ADAM10: variants seen among roughly 807,000 people sequenced by gnomAD.
The protein encoded by ADAM10 is ADAM metallopeptidase domain 10.
ADAM10 carries 17 observed loss-of-function variants against 90.1 expected under a neutral mutation model. The observed-to-expected ratio is 0.19, with a 90% CI of 0.13 to 0.28. The LOEUF is 0.28. ADAM10 is among the 10% of genes least tolerant of loss of function. The pLI is 1.00. For synonymous variants in ADAM10, 310 were observed against 298.6 expected (o/e 1.04, Z -0.40); for missense variants, 610 against 914.3 (o/e 0.67, Z 4.29).
intron 2 of ADAM10, among the ~76,000 whole-genome samples, chr15:58,711,624 C>T (rs1218057836): frequency 3.3e-5 from 5 of 152,142 alleles, no homozygotes; most frequent in Non-Finnish European, 1.5e-5. Flanking sequence ...CCAACTCTAT[C>T]AAAGACAGTC....
At chr15:58,687,200 T>C (rs572350579) in intron 2 of ADAM10, among the ~76,000 whole-genome samples, 31 of 152,334 alleles carry the variant, frequency 2.0e-4, no homozygotes, top group African/African-American at 7.5e-4. Context: ...TTAACACTAA[T>C]TATGGGAGCA....
At position 58,595,891 on chromosome 15, in the gene ADAM10, T is replaced by G. The variant is rs192507322; in HGVS notation, c.*1656A>C. 6.6e-6 allele frequency: 1 copy of G among 152,286 alleles called. No individual in the cohort carries two copies. Among genetic ancestry groups the G allele is most frequent in the East Asian group, 1.9e-4 (1 of 5,190 alleles). The allele number at this position is 152,286 out of a possible 1,614,324, so 9.4% of individuals were successfully genotyped here. On this transcript the variant is annotated 3_prime_UTR_variant, in exon 16 of 16. Coordinates refer to ENST00000260408, the MANE Select transcript of ADAM10 (RefSeq NM_001110.4). ...ATACATATCTACCTACTTGTTTGTTTAGAATTATTTATAGTCTATCTGGGG... is the reference window on the plus strand; with the variant it reads ...ATACATATCTACCTACTTGTTTGTTGAGAATTATTTATAGTCTATCTGGGG...
At chr15:58,684,841 T>C (rs1476087580) in intron 2 of ADAM10, among the ~76,000 whole-genome samples, 1 of 152,146 alleles carries the variant, frequency 6.6e-6, no homozygotes, top group Non-Finnish European at 1.5e-5. Context: ...GTTGTAGGAA[T>C]GGGCCCTTAA....
At chr15:58,658,049 T>A (rs1407697915) in intron 5 of ADAM10, among the ~76,000 whole-genome samples, 1 of 152,154 alleles carries the variant, frequency 6.6e-6, no homozygotes, top group African/African-American at 2.4e-5. Flanking sequence ...ATGAAGTCAG[T>A]TTATACATGT....
intron 8 of ADAM10, among the ~76,000 whole-genome samples, chr15:58,638,754 T>G (rs1185340938): frequency 6.6e-6 from 1 of 151,536 alleles, no homozygotes; most frequent in Non-Finnish European, 1.5e-5. Flanking sequence ...AAACACTGAG[T>G]GTCCCAAAAA....
At chr15:58,718,672 A>G (rs1190687371) in intron 1 of ADAM10, among the ~76,000 whole-genome samples, 1 of 152,144 alleles carries the variant, frequency 6.6e-6, no homozygotes, top group African/African-American at 2.4e-5. Flanking sequence ...CTATCTGAGC[A>G]CCAGGTACCG....
intron 11 of ADAM10, 22 bp from the exon 12 acceptor site, chr15:58,612,013 T>A: frequency 6.2e-7 from 1 of 1,605,252 alleles, no homozygotes; most frequent in Non-Finnish European, 8.5e-7. Context: ...ATTAAGTGAT[T>A]AAACAAAGTA....
intron 2 of ADAM10, among the ~76,000 whole-genome samples, chr15:58,687,396 C>T (rs1897633425): frequency 6.6e-6 from 1 of 152,088 alleles, no homozygotes; most frequent in African/African-American, 2.4e-5. Flanking sequence ...ACCCACAGAA[C>T]ATTGTAAATG....
intron 7 of ADAM10, among the ~76,000 whole-genome samples, chr15:58,641,502 A>C (rs1483528706): frequency 6.6e-6 from 1 of 152,146 alleles, no homozygotes; most frequent in African/African-American, 2.4e-5. Flanking sequence ...ACTAACTGCA[A>C]ATTTATTTTT....
chr15:58,677,738 C>T (rs1897329063), intron 4 of ADAM10, among the ~76,000 whole-genome samples: 3 of 152,082 alleles, frequency 2.0e-5, no homozygotes, highest in Admixed American at 6.5e-5. Flanking sequence ...TCCTTCATTC[C>T]TCAAAAGGTT....
At chr15:58,712,211 C>T (rs1399273111) in intron 2 of ADAM10, among the ~76,000 whole-genome samples, 3 of 151,818 alleles carry the variant, frequency 2.0e-5, no homozygotes, top group Admixed American at 6.6e-5. Flanking sequence ...TTACAAAAAC[C>T]ACGTAAGAAA....
Position 58,716,355 on chromosome 15 carries a change from G to C in ADAM10, c.206+1222C>G, listed in dbSNP as rs577813584. 5.3e-5 allele frequency among the ~76,000 whole-genome samples: 8 copies of C among 152,280 alleles called. No homozygotes were observed. In the South Asian group the frequency reaches 1.7e-3, roughly 32 times the overall value. ...AGAAGTACCCACAAAAAGGAAGAGGGCACAAATGATGCCAATGATTCAGAT... is the reference window on the plus strand; with the variant it reads ...AGAAGTACCCACAAAAAGGAAGAGGCCACAAATGATGCCAATGATTCAGAT... On this transcript the variant is annotated intron_variant, in intron 2 of 15. Transcript: ENST00000260408.
intron 5 of ADAM10, among the ~76,000 whole-genome samples, chr15:58,659,047 G>A (rs1427783505): frequency 2.0e-5 from 3 of 152,114 alleles, no homozygotes; most frequent in East Asian, 3.9e-4. Context: ...AGCCGAAGCA[G>A]GCAGATCATG....
chr15:58,602,892 T>A (rs926811551), intron 14 of ADAM10, among the ~76,000 whole-genome samples: 10 of 152,234 alleles, frequency 6.6e-5, no homozygotes, highest in Non-Finnish European at 1.5e-4. Context: ...AATTCAACCT[T>A]ACTGCTTAAA....
intron 1 of ADAM10, among the ~76,000 whole-genome samples, chr15:58,724,269 T>G (rs567853968): frequency 1.2e-4 from 19 of 152,252 alleles, no homozygotes; most frequent in Admixed American, 1.2e-3. Context: ...GGGAGGTTCA[T>G]TTTAAATATT....
chr15:58,621,609 G>A lies in ADAM10; in HGVS notation c.1373C>T (p.Pro458Leu), dbSNP rs768279822. ...TTCTACCATTCCATTTCCACAAATA[G>A]GTTGGCCAGATTCTGAGGAAAATAA... is the stretch of plus-strand genomic sequence containing the variant. ...RNNCFVESGQPICGNGMVEQG... is the reference protein window; with the variant it reads ...RNNCFVESGQLICGNGMVEQG... Residue 458 changes from proline to leucine, a missense_variant, in exon 11 of 16, where the codon CCT (proline) becomes CTT (leucine). Physicochemically the swap from Pro to Leu is moderately conservative, Grantham distance 98. Around this residue, in one of 4 missense-constraint regions of ADAM10, gnomAD observed 97 missense variants for 221.4 expected, o/e 0.44. Transcript: ENST00000260408. 1 of 1,614,024 alleles carries A rather than the reference G, an allele frequency of 6.2e-7. No homozygotes were observed. The highest frequency in any genetic ancestry group is 1.3e-5 in the African/African-American group (1 of 75,038).
chr15:58,709,216 T>C (rs557940555), intron 2 of ADAM10, among the ~76,000 whole-genome samples: 69 of 152,274 alleles, frequency 4.5e-4, no homozygotes, highest in East Asian at 1.5e-3. Context: ...AACAACCTTA[T>C]AAGGAGCTTA....
At chr15:58,639,145 A>G (rs1438470949) in intron 8 of ADAM10, among the ~76,000 whole-genome samples, 1 of 152,222 alleles carries the variant, frequency 6.6e-6, no homozygotes, top group African/African-American at 2.4e-5. Flanking sequence ...AGCTTTAGAG[A>G]CAAAAATATT....
intron 2 of ADAM10, among the ~76,000 whole-genome samples, chr15:58,704,672 A>T (rs932633978): frequency 6.6e-6 from 1 of 152,240 alleles, no homozygotes; most frequent in African/African-American, 2.4e-5. Flanking sequence ...GGAAGATGGT[A>T]TGTGAAGATA....
Sources: allele counts gnomAD v4.1 joint callset (sites outside exome capture counted in the v4.1 genomes callset), GRCh38; gene constraint gnomAD v4.1.1; regional missense constraint gnomAD v4.1.1; transcripts MANE v1.5; gene names NCBI Gene and HGNC (gene_info 2026-07-23, HGNC 2026-07-21).